Variants in COX19 observed in about 807,000 individuals in gnomAD.
COX19 encodes cytochrome c oxidase assembly factor COX19, also known as cytochrome c oxidase assembly protein COX19.
Under a neutral mutation model 6.8 loss-of-function variants are expected in COX19, and 8 were observed. That is an observed-to-expected ratio of 1.18 (90% confidence interval 0.69 to 2.12). The LOEUF (loss-of-function observed/expected upper bound fraction) is 2.12, where lower values mean the gene tolerates loss of function less well. Ranked by LOEUF, COX19 falls within the 30% of genes most tolerant of loss-of-function variation. The pLI, the probability that COX19 is intolerant of heterozygous loss-of-function variation, is 0.00. For missense variants in COX19, 131 were observed against 104.6 expected (o/e 1.25, Z -1.10); for synonymous variants, 51 against 38.0 (o/e 1.34, Z -1.26).
chr7:971,128 CGGGTGA>C (rs1454788707), intron 2 of COX19, among the ~76,000 whole-genome samples: 1 of 152,224 alleles, frequency 6.6e-6, no homozygotes, highest in Non-Finnish European at 1.5e-5. Context: ...CTGCTGGCAG[CGGGTGA>C]GGCTGCTCCA....
rs545540472 is a variant in COX19 at position 974,268 on chromosome 7, A to AG, written c.83-977_83-976insC. ...CCATCTCTAAAAAAAAAAAAAAAAAAAAAATTAGCTGGGTGTGGCGCTGCA... is the reference window on the plus strand; with the variant it reads ...CCATCTCTAAAAAAAAAAAAAAAAAAGAAAATTAGCTGGGTGTGGCGCTGCA... On this transcript the variant is annotated intron_variant, in intron 1 of 2. Coordinates refer to ENST00000344111, the MANE Select transcript of COX19 (RefSeq NM_001031617.3). Among the ~76,000 whole-genome samples, 1,189 of 149,712 alleles carry AG rather than the reference A, an allele frequency of 7.9e-3. 11 individuals carry two copies. The highest frequency in any genetic ancestry group is 0.028 in the African/African-American group (1,098 of 39,860).
rs916303523 is a variant in COX19, at chr7:965,431, G to A, written c.*3947C>T. On this transcript the variant is annotated 3_prime_UTR_variant, in exon 3 of 3. Transcript: ENST00000344111. ...GATTACATTCAGGCCATGCAGTTGG[G>A]CAAGAGAACCAGAGGTGATACCGTG... Among the ~76,000 whole-genome samples, 1 of 152,220 alleles carries A rather than the reference G, an allele frequency of 6.6e-6. No individual in the cohort carries two copies. The highest frequency in any genetic ancestry group is 1.9e-4 in the East Asian group (1 of 5,198).
At position 966,653 on chromosome 7, in the gene COX19, T is replaced by C. The variant is rs1847559354; in HGVS notation, c.*2725A>G. The C allele has an allele frequency of 1.3e-5, 2 of 152,270 alleles. No homozygotes were observed. Among genetic ancestry groups the C allele is most frequent in the African/African-American group, 4.8e-5 (2 of 41,456 alleles). 9.4% of individuals were successfully genotyped at this position (152,270 alleles called of 1,614,324 possible). On this transcript the variant is annotated 3_prime_UTR_variant, in exon 3 of 3. Coordinates refer to ENST00000344111, the MANE Select transcript of COX19 (RefSeq NM_001031617.3). ...GACCCTGAGTGCACGGGTCACTGCG[T>C]CCAGGCCCTCAAGAGCTGGGAAGCA...
Position 966,142 on chromosome 7 carries a change from T to C in COX19, c.*3236A>G, listed in dbSNP as rs1847550073. ...TACAGCCCATTACAATAATTAATTT[T>C]CTTTCTTTTTTTTTTTTTTTTTTCC... On this transcript the variant is annotated 3_prime_UTR_variant, in exon 3 of 3. Coordinates refer to ENST00000344111, the MANE Select transcript of COX19 (RefSeq NM_001031617.3). 7.3e-6 allele frequency: 1 copy of C among 137,100 alleles called. No individual in the cohort carries two copies. The highest frequency in any genetic ancestry group is 8.0e-5 in the Admixed American group (1 of 12,574). 8.5% of individuals were successfully genotyped at this position (137,100 alleles called of 1,614,324 possible).
chr7:969,273 T>A lies in COX19; in HGVS notation c.*105A>T. 1 of 759,256 alleles carries A rather than the reference T, an allele frequency of 1.3e-6. No homozygotes were observed. The highest frequency in any genetic ancestry group is 2.3e-6 in the Non-Finnish European group (1 of 427,992). The allele number at this position is 759,256 out of a possible 1,614,324, so 47.0% of individuals were successfully genotyped here. On this transcript the variant is annotated 3_prime_UTR_variant, in exon 3 of 3. Coordinates refer to ENST00000344111, the MANE Select transcript of COX19 (RefSeq NM_001031617.3). ...GGCTGGAGCTTCTATTCGAAGCCCA[T>A]TTCTAAGGACACCACACGCAGGCCT...
At chr7:969,749 C>A (rs1847610460) in intron 2 of COX19, among the ~76,000 whole-genome samples, 1 of 152,162 alleles carries the variant, frequency 6.6e-6, no homozygotes, top group African/African-American at 2.4e-5. Context: ...AACACTTCCC[C>A]ACGTCCTGCT....
intron 2 of COX19, chr7:972,700 G>A (rs1385468897): frequency 1.3e-5 from 2 of 152,236 alleles, no homozygotes; most frequent in African/African-American, 2.4e-5. Context: ...TTCTGGTTAC[G>A]ACAGGAAGAA....
At position 965,821 on chromosome 7, in the gene COX19, TAG is replaced by T. The variant is rs2128116297; in HGVS notation, c.*3555_*3556del. Among the ~76,000 whole-genome samples, 1 of 152,358 alleles carries T rather than the reference TAG, an allele frequency of 6.6e-6. No individual in the cohort carries two copies. Among genetic ancestry groups the T allele is most frequent in the Admixed American group, 6.5e-5 (1 of 15,306 alleles). ...CCCCAGCTAATTTTTGTATTTTTAG[TAG>T]AGACAGGGTTTCTCCATGTTGGCCA... On this transcript the variant is annotated 3_prime_UTR_variant, in exon 3 of 3. Coordinates refer to ENST00000344111, the MANE Select transcript of COX19 (RefSeq NM_001031617.3).
intron 2 of COX19, among the ~76,000 whole-genome samples, chr7:970,220 C>T (rs1440822983): frequency 5.9e-5 from 9 of 151,948 alleles, no homozygotes; most frequent in Admixed American, 1.3e-4. Context: ...CTGCAGCCTC[C>T]GCCTCCCAGG....
intron 2 of COX19, among the ~76,000 whole-genome samples, chr7:971,800 G>A (rs989393187): frequency 6.6e-6 from 1 of 152,248 alleles, no homozygotes; most frequent in African/African-American, 2.4e-5. Context: ...GAACCCGGGA[G>A]GCGGAGCTTG....
chr7:971,958 C>T (rs1847643055), intron 2 of COX19, among the ~76,000 whole-genome samples: 1 of 152,142 alleles, frequency 6.6e-6, no homozygotes. Flanking sequence ...GGCCAATCTG[C>T]GAGACCACCT....
intron 2 of COX19, among the ~76,000 whole-genome samples, chr7:969,773 G>T (rs548178901): frequency 6.6e-6 from 1 of 152,136 alleles, no homozygotes; most frequent in Non-Finnish European, 1.5e-5. Flanking sequence ...AGATGTATCT[G>T]GACAACAGCT....
At position 973,222 on chromosome 7, in the gene COX19, GCA is replaced by G. The variant is rs1363704326; in HGVS notation, c.151_152del (p.Cys51GlnfsTer32). 1.9e-6 allele frequency: 3 copies of G among 1,604,450 alleles called. No individual in the cohort carries two copies. Among genetic ancestry groups the G allele is most frequent in the Non-Finnish European group, 2.6e-6 (3 of 1,175,858 alleles). On this transcript the variant is annotated frameshift_variant, in exon 2 of 3. Transcript: ENST00000344111. LOFTEE classifies it high-confidence loss of function. ...LHNNNFENAL[C>X]RKESKEYLEC... Reference sequence around the variant, plus strand: ...CTAAATATTCTTTTGATTCCTTTCTGCACAAAGCATTTTCAAAATTATTGTTA... The same window carrying G: ...CTAAATATTCTTTTGATTCCTTTCTGCAAAGCATTTTCAAAATTATTGTTA...
At chr7:971,699 G>A (rs1270526411) in intron 2 of COX19, among the ~76,000 whole-genome samples, 4 of 151,900 alleles carry the variant, frequency 2.6e-5, no homozygotes, top group South Asian at 2.1e-4. Context: ...GTGAAACCCC[G>A]TCTCTACTAA....
rs548331157 is a variant in COX19, at chr7:975,319, T to C, written c.82+109A>G. 222 of 848,854 alleles carry C rather than the reference T, an allele frequency of 2.6e-4. 1 individual carries two copies. The African/African-American group carries it at 3.7e-3, about 14-fold the overall frequency. 52.6% of individuals were successfully genotyped at this position (848,854 alleles called of 1,614,324 possible). On this transcript the variant is annotated intron_variant, in intron 1 of 2. Transcript: ENST00000344111. Reference sequence around the variant, plus strand: ...GGAGGGGCGGGCCGCCGTGCCTCAGTTTCCCCGCCTGCACCGCGCTAGATG... The same window carrying C: ...GGAGGGGCGGGCCGCCGTGCCTCAGCTTCCCCGCCTGCACCGCGCTAGATG...
At chr7:975,335 G>A (rs1255922851) in intron 1 of COX19, 93 bp downstream of exon 1, 7 of 1,001,800 alleles carry the variant, frequency 7.0e-6, no homozygotes, top group Non-Finnish European at 1.0e-5. Context: ...CGCCTGCACC[G>A]CGCTAGATGC....
In COX19 at chr7:969,430, T is replaced by C; in HGVS notation, c.221A>G (p.Glu74Gly). The C allele has an allele frequency of 1.9e-6, 3 of 1,610,982 alleles. No individual in the cohort carries two copies. The highest frequency in any genetic ancestry group is 2.5e-6 in the Non-Finnish European group (3 of 1,177,268). The change falls in exon 3 of 3, where the codon GAG (glutamate) becomes GGG (glycine). Residue 74 changes from glutamate (E) to glycine (G), a missense_variant. Coordinates refer to ENST00000344111, the MANE Select transcript of COX19 (RefSeq NM_001031617.3). ...AGTCAAGTCTCCAAATCCCAGTTTC[T>C]CCAATGGTTCTTGTAGCATCAATTT... The part of the protein sequence containing the change: ...ERKLMLQEPL[E>G]KLGFGDLTSG...
At chr7:971,465 G>C (rs772218738) in intron 2 of COX19, among the ~76,000 whole-genome samples, 10 of 151,994 alleles carry the variant, frequency 6.6e-5, no homozygotes, top group Non-Finnish European at 1.2e-4. Flanking sequence ...CTCAACTTCT[G>C]TATGTTTGAT....
In COX19 at chr7:973,694, G is replaced by A. The variant is rs756424902; in HGVS notation, c.83-402C>T. Among the ~76,000 whole-genome samples, 4 of 151,874 alleles carry A rather than the reference G, an allele frequency of 2.6e-5. No individual in the cohort carries two copies. The East Asian group carries it at 7.8e-4, about 29-fold the overall frequency. ...CCTAAAAATAATCCAGGCTGGGCAC[G>A]GTGGCTCACGCCTGTAATCCTAGCA... On this transcript the variant is annotated intron_variant, in intron 1 of 2. Transcript: ENST00000344111.
Sources: gnomAD v4.1 joint callset for allele counts (sites outside exome capture counted in the v4.1 genomes callset) on GRCh38, gnomAD v4.1.1 for gene constraint, MANE v1.5 for transcripts, NCBI Gene and HGNC (gene_info 2026-07-23, HGNC 2026-07-21) for gene names.